Variants in PIK3C2G observed in about 807,000 individuals in gnomAD.
The protein encoded by PIK3C2G is phosphatidylinositol 3-kinase C2 domain-containing subunit gamma.
A neutral mutation model predicts 181.1 loss-of-function variants in PIK3C2G; 168 were observed. The ratio of observed to expected loss-of-function variants is 0.93; its 90% confidence interval spans 0.82 to 1.05. The LOEUF (loss-of-function observed/expected upper bound fraction) is 1.05, where lower values mean the gene tolerates loss of function less well. PIK3C2G is among the 50% of genes least tolerant of loss of function. The pLI is 0.00. For missense variants in PIK3C2G, 1,869 were observed against 1,732.8 expected (o/e 1.08, Z -1.40); for synonymous variants, 573 against 592.2 (o/e 0.97, Z 0.47).
intron 18 of PIK3C2G, among the ~76,000 whole-genome samples, chr12:18,429,066 C>T (rs771410596): frequency 4.6e-5 from 7 of 152,016 alleles, no homozygotes; most frequent in East Asian, 1.9e-4. Flanking sequence ...GGGTCTTTGA[C>T]GATAGAATTT....
chr12:18,661,919 T>G, the PIK3C2G span, among the ~76,000 whole-genome samples: 1 of 151,972 alleles, frequency 6.6e-6, no homozygotes, highest in Non-Finnish European at 1.5e-5. Flanking sequence ...ACATACACCA[T>G]GAAATACTAC....
At position 18,609,644 on chromosome 12, in the gene PIK3C2G, TATA is replaced by T; in HGVS notation, c.4182+20_4182+22del. 7.0e-7 allele frequency: 1 copy of T among 1,424,376 alleles called. No individual in the cohort carries two copies. The highest frequency in any genetic ancestry group is 2.5e-5 in the East Asian group (1 of 40,802). 88.2% of individuals were successfully genotyped at this position (1,424,376 alleles called of 1,614,324 possible). ...TGAAAAACATTGTAAGTTTATTATG[TATA>T]ATAAGAAACATGTAAGCCTACATCC... On this transcript the variant is annotated intron_variant, in intron 31 of 32. Transcript: ENST00000538779.
intron 30 of PIK3C2G, among the ~76,000 whole-genome samples, chr12:18,598,033 T>C (rs1468128653): frequency 2.6e-5 from 4 of 152,094 alleles, no homozygotes; most frequent in Non-Finnish European, 4.4e-5. Context: ...TCCATGCTCA[T>C]GGGTAGGAAG....
chr12:18,517,793 C>A (rs1463394784), intron 24 of PIK3C2G, among the ~76,000 whole-genome samples: 2 of 152,146 alleles, frequency 1.3e-5, no homozygotes, highest in African/African-American at 4.8e-5. Context: ...TGAAAGAGGG[C>A]TTCCTTATCT....
intron 18 of PIK3C2G, among the ~76,000 whole-genome samples, chr12:18,470,029 T>C (rs1938307747): frequency 6.6e-6 from 1 of 152,026 alleles, no homozygotes; most frequent in Admixed American, 6.6e-5. Flanking sequence ...TTCAGTATAC[T>C]TTATTTCTTT....
chr12:18,488,909 A>G (rs551329253), intron 19 of PIK3C2G, among the ~76,000 whole-genome samples: 2 of 152,238 alleles, frequency 1.3e-5, no homozygotes, highest in South Asian at 4.1e-4. Flanking sequence ...AACAAGCCTG[A>G]TAAACTAATC....
intron 30 of PIK3C2G, among the ~76,000 whole-genome samples, chr12:18,597,364 T>C (rs143933232): frequency 1.3e-5 from 2 of 152,210 alleles, no homozygotes; most frequent in African/African-American, 4.8e-5. Flanking sequence ...ACAACTTTCT[T>C]AGGTATCACA....
chr12:18,539,170 T>A (rs555240226), intron 25 of PIK3C2G, among the ~76,000 whole-genome samples: 1 of 152,038 alleles, frequency 6.6e-6, no homozygotes, highest in East Asian at 1.9e-4. Flanking sequence ...TGGGTTTCAA[T>A]CCTAGTTTGG....
intron 24 of PIK3C2G, among the ~76,000 whole-genome samples, chr12:18,524,204 C>G (rs1015389355): frequency 2.6e-5 from 4 of 152,186 alleles, no homozygotes; most frequent in Non-Finnish European, 5.9e-5. Flanking sequence ...GCCTCCAACT[C>G]ACATTTGTCT....
chr12:18,635,230 C>A (rs557245578), intron 31 of PIK3C2G, among the ~76,000 whole-genome samples: 1 of 152,152 alleles, frequency 6.6e-6, no homozygotes, highest in African/African-American at 2.4e-5. Flanking sequence ...GTCAACTGAC[C>A]GCAGGGAACT....
chr12:18,700,323 A>G, the PIK3C2G span, among the ~76,000 whole-genome samples: 23 of 151,918 alleles, frequency 1.5e-4, no homozygotes, highest in Admixed American at 1.5e-3. Flanking sequence ...CCATTTCACA[A>G]CCTGGCATCT....
rs369713830 is a variant in PIK3C2G at position 18,553,697 on chromosome 12, C to A, written c.3590+7265C>A. ...AGAAGAAATAAAATAAGAAAATAAA[C>A]ACTAAAGATGCTGCTTGTTCTTATC... is the stretch of plus-strand genomic sequence containing the variant. On this transcript the variant is annotated intron_variant, in intron 26 of 32. Transcript: ENST00000538779. Among the ~76,000 whole-genome samples the A allele has an allele frequency of 6.6e-5, 10 of 152,036 alleles. No individual in the cohort carries two copies. In the East Asian group the frequency reaches 1.7e-3, roughly 26 times the overall value.
intron 31 of PIK3C2G, among the ~76,000 whole-genome samples, chr12:18,629,544 A>G (rs1949256422): frequency 1.3e-5 from 2 of 152,190 alleles, no homozygotes; most frequent in South Asian, 4.1e-4. Context: ...TTCTGGGACT[A>G]AGTTTGAATA....
At chr12:18,315,965 G>A (rs1319768553) in intron 6 of PIK3C2G, among the ~76,000 whole-genome samples, 1 of 151,556 alleles carries the variant, frequency 6.6e-6, no homozygotes, top group Non-Finnish European at 1.5e-5. Flanking sequence ...AAAGTCTGGG[G>A]CATGATCGGT....
At chr12:18,336,282 A>T (rs1938524833) in intron 8 of PIK3C2G, among the ~76,000 whole-genome samples, 1 of 152,170 alleles carries the variant, frequency 6.6e-6, no homozygotes, top group Admixed American at 6.5e-5. Context: ...AAAGTTAAAT[A>T]CTCTGATGAT....
intron 18 of PIK3C2G, among the ~76,000 whole-genome samples, chr12:18,432,047 GTT>G (rs753700742): frequency 7.9e-5 from 12 of 152,122 alleles, no homozygotes; most frequent in Non-Finnish European, 1.2e-4. Flanking sequence ...AGGAACAGTT[GTT>G]TTTGTCTGTT....
intron 31 of PIK3C2G, 88 bp downstream of exon 31, chr12:18,609,717 A>G: frequency 2.7e-6 from 2 of 734,908 alleles, no homozygotes; most frequent in African/African-American, 1.8e-5. Context: ...AACATTAGCT[A>G]GAAGAATGGG....
intron 31 of PIK3C2G, among the ~76,000 whole-genome samples, chr12:18,639,793 T>C (rs1009332514): frequency 4.6e-5 from 7 of 152,118 alleles, no homozygotes; most frequent in South Asian, 2.1e-4. Flanking sequence ...CATTTAGCCA[T>C]GCTATTCAGC....
At chr12:18,288,721 C>T (rs1312417279) in intron 3 of PIK3C2G, among the ~76,000 whole-genome samples, 1 of 152,112 alleles carries the variant, frequency 6.6e-6, no homozygotes, top group African/African-American at 2.4e-5. Context: ...TGGCAAAGAA[C>T]TCTCTTCATA....
Sources: gnomAD v4.1 joint callset for allele counts (sites outside exome capture counted in the v4.1 genomes callset) on GRCh38, gnomAD v4.1.1 for gene constraint, MANE v1.5 for transcripts, NCBI Gene and HGNC (gene_info 2026-07-23, HGNC 2026-07-21) for gene names.